Variants in CHSY3 observed in about 807,000 individuals in gnomAD.
The protein encoded by CHSY3 is N-acetylgalactosaminyl-proteoglycan 3-beta-glucuronosyltransferase 3.
In CHSY3, 35 loss-of-function variants were observed where a neutral mutation model predicts 67.2. The ratio of observed to expected loss-of-function variants is 0.52; its 90% CI spans 0.40 to 0.69. The LOEUF (loss-of-function observed/expected upper bound fraction) is 0.69. CHSY3 is among the 30% of genes least tolerant of loss of function. CHSY3 has a pLI of 0.00. For synonymous variants in CHSY3, 474 were observed against 434.7 expected, an observed-to-expected ratio of 1.09 and a Z score of -1.12; for missense variants, 1,069 against 1,138.5, an observed-to-expected ratio of 0.94 and a Z score of 0.88.
intron 2 of CHSY3, among the ~76,000 whole-genome samples, chr5:130,177,877 C>G (rs577357390): frequency 6.6e-6 from 1 of 152,172 alleles, no homozygotes; most frequent in East Asian, 1.9e-4. Context: ...TCTGGAACTA[C>G]TGTTATTTGG....
chr5:129,997,398 G>T (rs1239466663), intron 2 of CHSY3, among the ~76,000 whole-genome samples: 1 of 152,016 alleles, frequency 6.6e-6, no homozygotes. Flanking sequence ...AAAAATCACA[G>T]TGCAATGACA....
At chr5:130,179,032 T>A (rs1455944920) in intron 2 of CHSY3, among the ~76,000 whole-genome samples, 1 of 152,232 alleles carries the variant, frequency 6.6e-6, no homozygotes, top group African/African-American at 2.4e-5. Flanking sequence ...CTTCCACAAT[T>A]ATAGTGTCCT....
At chr5:130,081,476 A>C (rs966723034) in intron 2 of CHSY3, among the ~76,000 whole-genome samples, 1 of 152,030 alleles carries the variant, frequency 6.6e-6, no homozygotes, top group African/African-American at 2.4e-5. Context: ...TGTGATGATT[A>C]AATTAGATAG....
At chr5:129,950,301 G>A (rs1487688046) in intron 2 of CHSY3, among the ~76,000 whole-genome samples, 1 of 152,032 alleles carries the variant, frequency 6.6e-6, no homozygotes, top group Non-Finnish European at 1.5e-5. Context: ...AACCACATAT[G>A]ATAAGCCTGC....
At chr5:130,156,939 C>T (rs1769389314) in intron 2 of CHSY3, among the ~76,000 whole-genome samples, 1 of 152,232 alleles carries the variant, frequency 6.6e-6, no homozygotes, top group African/African-American at 2.4e-5. Flanking sequence ...TAAGGATATA[C>T]TGTCATTCCT....
At chr5:129,910,561 G>T (rs571387271) in intron 2 of CHSY3, among the ~76,000 whole-genome samples, 1 of 152,066 alleles carries the variant, frequency 6.6e-6, no homozygotes, top group African/African-American at 2.4e-5. Context: ...TTATTACCAA[G>T]AGATATGTGA....
chr5:130,059,478 A>G (rs1338734447), intron 2 of CHSY3, among the ~76,000 whole-genome samples: 4 of 136,104 alleles, frequency 2.9e-5, no homozygotes, highest in South Asian at 4.5e-4. Context: ...CCTTATTTCC[A>G]TCTTTTCCAT....
chr5:129,999,663 A>T (rs1327316783), intron 2 of CHSY3, among the ~76,000 whole-genome samples: 1 of 152,100 alleles, frequency 6.6e-6, no homozygotes, highest in Non-Finnish European at 1.5e-5. Context: ...GCTACCCTGG[A>T]ATTATTTCAG....
intron 2 of CHSY3, among the ~76,000 whole-genome samples, chr5:130,097,888 C>G (rs1767102692): frequency 6.6e-6 from 1 of 151,962 alleles, no homozygotes; most frequent in Non-Finnish European, 1.5e-5. Context: ...CGCCTGTAGT[C>G]CCAGCTACTC....
chr5:129,945,821 A>G (rs1327940325), intron 2 of CHSY3, among the ~76,000 whole-genome samples: 2 of 152,214 alleles, frequency 1.3e-5, no homozygotes, highest in Admixed American at 6.5e-5. Flanking sequence ...GGAAAAAAAC[A>G]TGCGTTATTG....
chr5:130,008,053 C>T (rs886086534), intron 2 of CHSY3, among the ~76,000 whole-genome samples: 16 of 152,206 alleles, frequency 1.1e-4, no homozygotes, highest in Non-Finnish European at 2.2e-4. Flanking sequence ...TGCCAGCATG[C>T]GTTCATCTGC....
chr5:130,125,560 C>A (rs750606956), intron 2 of CHSY3, among the ~76,000 whole-genome samples: 1 of 152,134 alleles, frequency 6.6e-6, no homozygotes, highest in South Asian at 2.1e-4. Flanking sequence ...AAATGCTGAG[C>A]TATACATGAT....
chr5:129,908,088 G>A lies in CHSY3; in HGVS notation c.814G>A (p.Glu272Lys). ...CTTTCTTTTTGTAGGTGATAAATTAGAAGAGTTTCTTAGATCGCTAAACAG... is the reference window on the plus strand; with the variant it reads ...CTTTCTTTTTGTAGGTGATAAATTAAAAGAGTTTCTTAGATCGCTAAACAG... Reference protein sequence around the residue: ...DDVYIKGDKLEEFLRSLNSSK... With the variant: ...DDVYIKGDKLKEFLRSLNSSK... The change falls in exon 2 of 3, where the codon GAA becomes AAA. Residue 272 changes from glutamate to lysine, a missense_variant. Around this residue, in one of 5 missense-constraint regions of CHSY3, gnomAD observed 216 missense variants for 311.5 expected, o/e 0.69. Transcript: ENST00000305031. The A allele has an allele frequency of 1.2e-6, 2 of 1,611,138 alleles. No homozygotes were observed. The highest frequency in any genetic ancestry group is 1.7e-6 in the Non-Finnish European group (2 of 1,178,842).
chr5:129,936,397 C>G (rs1157912142), intron 2 of CHSY3, among the ~76,000 whole-genome samples: 1 of 151,950 alleles, frequency 6.6e-6, no homozygotes, highest in African/African-American at 2.4e-5. Context: ...CTGACAGCGA[C>G]AGGGCCTAGA....
At chr5:130,035,500 G>A (rs1301024637) in intron 2 of CHSY3, among the ~76,000 whole-genome samples, 1 of 152,134 alleles carries the variant, frequency 6.6e-6, no homozygotes, top group Admixed American at 6.6e-5. Flanking sequence ...ATTGGCTACA[G>A]TTAAAGTAAA....
chr5:130,062,084 A>T (rs1015781583), intron 2 of CHSY3, among the ~76,000 whole-genome samples: 2 of 152,086 alleles, frequency 1.3e-5, no homozygotes, highest in Non-Finnish European at 2.9e-5. Flanking sequence ...TATCAAAAAG[A>T]CCACTGTACT....
At chr5:130,092,540 C>G (rs1766915209) in intron 2 of CHSY3, among the ~76,000 whole-genome samples, 1 of 152,112 alleles carries the variant, frequency 6.6e-6, no homozygotes, top group Non-Finnish European at 1.5e-5. Context: ...CTCAAAGTAC[C>G]AAAATATGGA....
chr5:130,018,361 A>G (rs1764271284), intron 2 of CHSY3, among the ~76,000 whole-genome samples: 1 of 152,172 alleles, frequency 6.6e-6, no homozygotes, highest in Non-Finnish European at 1.5e-5. Flanking sequence ...TATAACAAGT[A>G]TCCAGAAATA....
intron 2 of CHSY3, among the ~76,000 whole-genome samples, chr5:130,031,408 C>G (rs1054589929): frequency 2.6e-5 from 4 of 152,098 alleles, no homozygotes; most frequent in Non-Finnish European, 4.4e-5. Flanking sequence ...TATTATCTCA[C>G]TGTGTGCACA....
Sources: gnomAD v4.1 joint callset for allele counts (sites outside exome capture counted in the v4.1 genomes callset) on GRCh38, gnomAD v4.1.1 for gene constraint, gnomAD v4.1.1 regional missense constraint, MANE v1.5 for transcripts, NCBI Gene and HGNC (gene_info 2026-07-23, HGNC 2026-07-21) for gene names.